The following ANKRD10 variants were observed in gnomAD, a reference collection of about 807,000 sequenced individuals.
ANKRD10 encodes the protein ankyrin repeat domain-containing protein 10.
ANKRD10 carries 14 observed loss-of-function variants against 27.0 expected under a neutral mutation model. That is an observed-to-expected ratio of 0.52 (90% CI 0.34 to 0.81). The LOEUF is 0.81. Ranked by LOEUF, ANKRD10 falls within the 40% of genes least tolerant of loss-of-function variation. The pLI, the probability that ANKRD10 is intolerant of heterozygous loss-of-function variation, is 0.01. For missense variants in ANKRD10, 493 were observed against 544.0 expected (o/e 0.91, Z 0.93); for synonymous variants, 250 against 224.5 (o/e 1.11, Z -1.01).
In ANKRD10 at chr13:110,883,905, TA is replaced by T. The variant is rs543544838; in HGVS notation, c.692-113del. 7.7e-4 allele frequency: 771 copies of T among 997,742 alleles called. 1 individual carries two copies. The highest frequency in any genetic ancestry group is 2.0e-3 in the East Asian group (57 of 27,990). The allele number at this position is 997,742 out of a possible 1,614,324, so 61.8% of individuals were successfully genotyped here. On this transcript the variant is annotated intron_variant, in intron 4 of 5. Coordinates refer to ENST00000267339, the MANE Select transcript of ANKRD10 (RefSeq NM_017664.4). ...GCACTGAACACTTTAAACAATCACA[TA>T]AAAAAAAATCGACAGGTCACTAATG...
At chr13:110,882,114 C>T (rs932792593) in intron 5 of ANKRD10, among the ~76,000 whole-genome samples, 2 of 152,314 alleles carry the variant, frequency 1.3e-5, no homozygotes, top group African/African-American at 4.8e-5. Context: ...AAGCAAGCAC[C>T]CTCCTATCCG....
chr13:110,885,816 A>C (rs79009119), intron 4 of ANKRD10, among the ~76,000 whole-genome samples: 3,008 of 152,292 alleles, frequency 0.02, 104 homozygotes, highest in African/African-American at 0.069. Flanking sequence ...CTACACACTC[A>C]ATTGGCGTTC....
intron 4 of ANKRD10, among the ~76,000 whole-genome samples, chr13:110,884,894 T>C (rs1266043322): frequency 6.6e-6 from 1 of 152,208 alleles, no homozygotes; most frequent in Non-Finnish European, 1.5e-5. Context: ...GCTCTAGTTT[T>C]AGAGGCCCAC....
intron 4 of ANKRD10, among the ~76,000 whole-genome samples, chr13:110,889,026 C>T (rs75245436): frequency 0.022 from 3,022 of 135,178 alleles, 104 homozygotes; most frequent in African/African-American, 0.075. Context: ...GAGCTCCATC[C>T]AAAACAATTA....
chr13:110,885,678 AC>A, intron 4 of ANKRD10, among the ~76,000 whole-genome samples: 1 of 152,312 alleles, frequency 6.6e-6, no homozygotes, highest in African/African-American at 2.4e-5. Context: ...GACACAGAGA[AC>A]CTGCAGCCAA....
rs1483721831 is a variant in ANKRD10 at position 110,893,394 on chromosome 13, A to T, written c.456-131T>A. The T allele has an allele frequency of 3.9e-5, 32 of 816,348 alleles. No individual in the cohort carries two copies. In the East Asian group the frequency reaches 6.4e-4, roughly 16 times the overall value. The allele number at this position is 816,348 out of a possible 1,614,324, so 50.6% of individuals were successfully genotyped here. On this transcript the variant is annotated intron_variant, in intron 3 of 5. Transcript: ENST00000267339. Reference sequence around the variant, plus strand: ...AATTCATAGCAAATCTTCATTAAAGAAGTAGTTAATCAATCTAGCTCTGTA... The same window carrying T: ...AATTCATAGCAAATCTTCATTAAAGTAGTAGTTAATCAATCTAGCTCTGTA...
chr13:110,894,421 A>AAAAAAACAAAAAAAAAAAAC, intron 3 of ANKRD10: 1 of 313,610 alleles, frequency 3.2e-6, no homozygotes, highest in South Asian at 9.1e-5. Context: ...AAAAAAAAAA[A>AAAAAAACAAAAAAAAAAAAC]AAAAAACCCC....
At chr13:110,891,471 T>C (rs2065070959) in intron 4 of ANKRD10, among the ~76,000 whole-genome samples, 2 of 152,248 alleles carry the variant, frequency 1.3e-5, no homozygotes, top group South Asian at 4.1e-4. Flanking sequence ...TTGAATTTGA[T>C]AAAACTGTTA....
chr13:110,902,493 T>C (rs2138866944), intron 3 of ANKRD10, among the ~76,000 whole-genome samples: 1 of 152,310 alleles, frequency 6.6e-6, no homozygotes, highest in Non-Finnish European at 1.5e-5. Context: ...TAACATCACA[T>C]TCTAGGCTTT....
At chr13:110,900,719 T>G (rs1264611715) in intron 3 of ANKRD10, 2 of 1,331,774 alleles carry the variant, frequency 1.5e-6, no homozygotes, top group East Asian at 9.2e-5. Context: ...CATGTGTAGT[T>G]TTTACAGATT....
intron 3 of ANKRD10, chr13:110,894,135 G>T: frequency 6.2e-7 from 1 of 1,611,166 alleles, no homozygotes; most frequent in Non-Finnish European, 8.5e-7. Flanking sequence ...AAAACTGAGG[G>T]ATCAAAAGTA....
At position 110,884,955 on chromosome 13, in the gene ANKRD10, G is replaced by T. The variant is rs183512140; in HGVS notation, c.692-1162C>A. Among the ~76,000 whole-genome samples, 125 of 151,990 alleles carry T rather than the reference G, an allele frequency of 8.2e-4. 1 individual carries two copies. Among genetic ancestry groups the T allele is most frequent in the Non-Finnish European group, 1.5e-3 (100 of 67,994 alleles). ...TATGATATCTGGATTATTCTACAAAGATGCTAATGTACAGAATGAGAAACC... is the reference window on the plus strand; with the variant it reads ...TATGATATCTGGATTATTCTACAAATATGCTAATGTACAGAATGAGAAACC... On this transcript the variant is annotated intron_variant, in intron 4 of 5. Coordinates refer to ENST00000267339, the MANE Select transcript of ANKRD10 (RefSeq NM_017664.4).
chr13:110,911,180 T>C lies in ANKRD10; in HGVS notation c.211-410A>G, dbSNP rs190130521. 4.7e-3 allele frequency among the ~76,000 whole-genome samples: 715 copies of C among 152,338 alleles called. 6 individuals are homozygous for C. Among genetic ancestry groups the C allele is most frequent in the Middle Eastern group, 0.01 (3 of 294 alleles). On this transcript the variant is annotated intron_variant, in intron 1 of 5. Transcript: ENST00000267339. Reference sequence around the variant, plus strand: ...AAAACTTTGTGTAGGCCGGGCGCAGTGGCTCATGCCTGTAATCCTAGCACT... The same window carrying C: ...AAAACTTTGTGTAGGCCGGGCGCAGCGGCTCATGCCTGTAATCCTAGCACT...
chr13:110,886,486 T>A (rs988967429), intron 4 of ANKRD10, among the ~76,000 whole-genome samples: 1 of 152,266 alleles, frequency 6.6e-6, no homozygotes, highest in Non-Finnish European at 1.5e-5. Flanking sequence ...GAGCCTTGGA[T>A]AATGCTGTTT....
intron 3 of ANKRD10, among the ~76,000 whole-genome samples, chr13:110,898,826 G>A (rs2065303558): frequency 6.7e-6 from 1 of 148,192 alleles, no homozygotes; most frequent in Admixed American, 6.9e-5. Context: ...CGTGATCTCG[G>A]CTCACCGCAA....
At chr13:110,906,212 C>G in intron 2 of ANKRD10, 88 bp from the exon 3 acceptor site, 1 of 978,758 alleles carries the variant, frequency 1.0e-6, no homozygotes, top group South Asian at 1.6e-5. Flanking sequence ...GATCAGAGAC[C>G]TTCTCATCCT....
intron 1 of ANKRD10, among the ~76,000 whole-genome samples, chr13:110,913,960 GAA>G (rs960570466): frequency 1.3e-5 from 2 of 152,112 alleles, no homozygotes; most frequent in African/African-American, 2.4e-5. Flanking sequence ...TTCAGTTTAA[GAA>G]AAAAGAGGGG....
At chr13:110,897,093 G>A (rs1379267200) in intron 3 of ANKRD10, among the ~76,000 whole-genome samples, 1 of 151,898 alleles carries the variant, frequency 6.6e-6, no homozygotes, top group Non-Finnish European at 1.5e-5. Context: ...ACCCTACAGT[G>A]CAAGGTAACA....
rs911174648 is a variant in ANKRD10, at chr13:110,879,379, G to C, written c.*258C>G. Reference sequence around the variant, plus strand: ...GTGACAGTATTAAAAAGACAATGTTGAGATTGGCATCAGAAAAACTCCAAA... The same window carrying C: ...GTGACAGTATTAAAAAGACAATGTTCAGATTGGCATCAGAAAAACTCCAAA... On this transcript the variant is annotated 3_prime_UTR_variant, in exon 6 of 6. Coordinates refer to ENST00000267339, the MANE Select transcript of ANKRD10 (RefSeq NM_017664.4). 6.6e-6 allele frequency: 3 copies of C among 457,848 alleles called. No homozygotes were observed. Among genetic ancestry groups the C allele is most frequent in the Admixed American group, 3.4e-5 (1 of 29,042 alleles). The allele number at this position is 457,848 out of a possible 1,614,324, so 28.4% of individuals were successfully genotyped here.
Sources: gnomAD v4.1 joint callset for allele counts (sites outside exome capture counted in the v4.1 genomes callset) on GRCh38, gnomAD v4.1.1 for gene constraint, MANE v1.5 for transcripts, NCBI Gene and HGNC (gene_info 2026-07-23, HGNC 2026-07-21) for gene names.